ST3GAL1: variants seen among roughly 807,000 people sequenced by gnomAD.
The protein encoded by ST3GAL1 is CMP-N-acetylneuraminate-beta-galactosamide-alpha-2,3-sialyltransferase 1.
In ST3GAL1, 16 loss-of-function variants were observed where a neutral mutation model predicts 34.1. That is an observed-to-expected ratio of 0.47 (90% CI 0.32 to 0.71). ST3GAL1 has a LOEUF of 0.71. Ranked by LOEUF, ST3GAL1 falls within the 30% of genes least tolerant of loss-of-function variation. ST3GAL1 has a pLI of 0.04. For missense variants in ST3GAL1, 353 were observed against 447.4 expected (o/e 0.79, Z 1.90); for synonymous variants, 191 against 184.7 (o/e 1.03, Z -0.28).
At chr8:133,539,388 G>C (rs62520289) in intron 2 of ST3GAL1, among the ~76,000 whole-genome samples, 48,197 of 152,056 alleles carry the variant, frequency 0.32, 9,046 homozygotes, top group East Asian at 0.6. Context: ...AGCTCACAAA[G>C]CGGGCAAAGA....
intron 3 of ST3GAL1, among the ~76,000 whole-genome samples, chr8:133,483,717 G>A (rs1046906669): frequency 6.6e-6 from 1 of 152,136 alleles, no homozygotes; most frequent in African/African-American, 2.4e-5. Context: ...CTGCAGGAAG[G>A]AGCTCCTAAC....
Position 133,465,922 on chromosome 8 carries a change from C to T in ST3GAL1, c.475G>A (p.Glu159Lys). Residue 159 changes from glutamate to lysine, a missense_variant, in exon 6 of 10, where the codon GAG becomes AAG. Transcript: ENST00000522652. ...AGGACAAAGTCGTGACTGTCTATCT[C>T]AGGCCCATAAGAAGACTCCCTCAGG... ...GNLRESSYGP[E>K]IDSHDFVLRM... is the part of the protein sequence containing the mutation. 2 of 1,614,126 alleles carry T rather than the reference C, an allele frequency of 1.2e-6. No individual in the cohort carries two copies. Among genetic ancestry groups the T allele is most frequent in the Non-Finnish European group, 1.7e-6 (2 of 1,179,984 alleles).
intron 2 of ST3GAL1, among the ~76,000 whole-genome samples, chr8:133,509,652 G>A (rs1421543981): frequency 5.3e-5 from 8 of 152,236 alleles, no homozygotes; most frequent in East Asian, 3.9e-4. Flanking sequence ...GTATTCAGCC[G>A]GTGTGGGACA....
At chr8:133,541,705 G>C (rs1041886940) in intron 2 of ST3GAL1, among the ~76,000 whole-genome samples, 1 of 152,150 alleles carries the variant, frequency 6.6e-6, no homozygotes, top group Non-Finnish European at 1.5e-5. Context: ...CAAAAGCCGA[G>C]GGACAAACAG....
intron 1 of ST3GAL1, among the ~76,000 whole-genome samples, chr8:133,551,304 C>T (rs1337820346): frequency 6.6e-6 from 1 of 152,014 alleles, no homozygotes; most frequent in Non-Finnish European, 1.5e-5. Context: ...CCCGTCTCTA[C>T]TAAAAATACA....
rs1563734427 is a variant in ST3GAL1 at position 133,541,040 on chromosome 8, T to TATATAGACATATATATGC, written c.-429+4733_-429+4734insGCATATATATGTCTATAT. ...ATGCAGACATATATATAGACATATA[T>TATATAGACATATATATGC]AGACATATATATAGACATATATATA... On this transcript the variant is annotated intron_variant, in intron 2 of 9. Transcript: ENST00000522652. Among the ~76,000 whole-genome samples, 136 of 100,710 alleles carry TATATAGACATATATATGC rather than the reference T, an allele frequency of 1.4e-3. 5 individuals are homozygous for TATATAGACATATATATGC. The highest frequency in any genetic ancestry group is 2.2e-3 in the Non-Finnish European group (107 of 47,682). The allele number at this position is 100,710 out of a possible 152,430, so 66.1% of individuals were successfully genotyped here. A position where few individuals can be genotyped will look rare whatever the true frequency, so the allele number is the denominator to read the frequency against.
At chr8:133,548,199 G>A (rs924072555) in intron 1 of ST3GAL1, among the ~76,000 whole-genome samples, 1 of 152,138 alleles carries the variant, frequency 6.6e-6, no homozygotes, top group African/African-American at 2.4e-5. Context: ...CAGCCTCCTA[G>A]CCAGTCTTAA....
Position 133,467,770 on chromosome 8 carries a change from C to T in ST3GAL1, c.307-1680G>A, listed in dbSNP as rs896766508. 1.3e-5 allele frequency among the ~76,000 whole-genome samples: 2 copies of T among 152,224 alleles called. No individual in the cohort carries two copies. Among genetic ancestry groups the T allele is most frequent in the African/African-American group, 2.4e-5 (1 of 41,530 alleles). On this transcript the variant is annotated intron_variant, in intron 5 of 9. Coordinates refer to ENST00000522652, the MANE Select transcript of ST3GAL1 (RefSeq NM_173344.3). This position sits in a 1 kb window ranked among gnomAD's most constrained non-coding sequence, Gnocchi z 4.2. The stretch of plus-strand genomic sequence containing the variant: ...GACCTGGGCATATGTAGGGAGATCC[C>T]GGGGCACCCAGTCCCCACTGCAATG...
chr8:133,479,074 C>T (rs1422027040), intron 3 of ST3GAL1, among the ~76,000 whole-genome samples: 1 of 152,228 alleles, frequency 6.6e-6, no homozygotes, highest in African/African-American at 2.4e-5. Flanking sequence ...CGAACCATCC[C>T]TTCAATGGGA....
At chr8:133,512,013 A>G (rs1817511384) in intron 2 of ST3GAL1, among the ~76,000 whole-genome samples, 1 of 152,218 alleles carries the variant, frequency 6.6e-6, no homozygotes, top group Admixed American at 6.5e-5. Context: ...AGAATGAGCC[A>G]CTGCACTACA....
chr8:133,484,485 T>C (rs1816505073), intron 3 of ST3GAL1, among the ~76,000 whole-genome samples: 1 of 152,212 alleles, frequency 6.6e-6, no homozygotes, highest in Non-Finnish European at 1.5e-5. Flanking sequence ...TTGGGATCAA[T>C]GTCTAAACGT....
intron 2 of ST3GAL1, among the ~76,000 whole-genome samples, chr8:133,534,041 G>C (rs964169482): frequency 6.6e-6 from 1 of 152,134 alleles, no homozygotes; most frequent in Non-Finnish European, 1.5e-5. Flanking sequence ...CAAAGTACTG[G>C]GGATTCAATG....
chr8:133,515,662 A>C (rs1390956744), intron 2 of ST3GAL1: 3 of 152,098 alleles, frequency 2.0e-5, no homozygotes, highest in Non-Finnish European at 2.9e-5. Context: ...AAAATTAATA[A>C]TTAGCACAGC....
At chr8:133,538,579 G>T (rs564951184) in intron 2 of ST3GAL1, among the ~76,000 whole-genome samples, 2 of 152,346 alleles carry the variant, frequency 1.3e-5, no homozygotes, top group East Asian at 1.9e-4. Context: ...TGTTACAGCT[G>T]CCCAGGAGAG....
At chr8:133,517,809 A>G (rs1817690516) in intron 2 of ST3GAL1, among the ~76,000 whole-genome samples, 1 of 152,256 alleles carries the variant, frequency 6.6e-6, no homozygotes, top group Non-Finnish European at 1.5e-5. Flanking sequence ...TGCACTGTAG[A>G]GCACAACAAA....
At position 133,466,608 on chromosome 8, in the gene ST3GAL1, A is replaced by G. The variant is rs950416249; in HGVS notation, c.307-518T>C. On this transcript the variant is annotated intron_variant, in intron 5 of 9. Transcript: ENST00000522652. The surrounding 1 kb of genome is among the most constrained non-coding windows in gnomAD (Gnocchi z 4.4). ...TCAAGCCTTAACAAGAAGAGCGAGG[A>G]GTAGGTGGAAATGCCAGTTCTCCAG... Among the ~76,000 whole-genome samples the G allele has an allele frequency of 6.6e-6, 1 of 152,172 alleles. No homozygotes were observed.
rs5895198 is a variant in ST3GAL1 at position 133,549,403 on chromosome 8, C to CA, written c.-581-3478dup. Among the ~76,000 whole-genome samples, 421 of 134,474 alleles carry CA rather than the reference C, an allele frequency of 3.1e-3. 1 individual carries two copies. Among genetic ancestry groups the CA allele is most frequent in the Middle Eastern group, 0.023 (6 of 266 alleles). 88.2% of individuals were successfully genotyped at this position (134,474 alleles called of 152,430 possible). On this transcript the variant is annotated intron_variant, in intron 1 of 9. Coordinates refer to ENST00000522652, the MANE Select transcript of ST3GAL1 (RefSeq NM_173344.3). ...GGCAATAAGAGTGAAACTCTGTCTC[C>CA]AAAAAAAAAAAAAGATATAAGGCGG... is the stretch of plus-strand genomic sequence containing the variant.
intron 1 of ST3GAL1, among the ~76,000 whole-genome samples, chr8:133,549,491 T>A (rs1158444128): frequency 6.6e-6 from 1 of 152,156 alleles, no homozygotes; most frequent in Admixed American, 6.5e-5. Context: ...CTCCACAGCC[T>A]GGCACCTGTG....
In ST3GAL1 at chr8:133,532,994, C is replaced by A. The variant is rs898597827; in HGVS notation, c.-429+12780G>T. ...GTACTAATTAAGTGCCGGGCTGGAG[C>A]TGAAGGAGTAGGTATAAATTAATTA... On this transcript the variant is annotated intron_variant, in intron 2 of 9. Coordinates refer to ENST00000522652, the MANE Select transcript of ST3GAL1 (RefSeq NM_173344.3). Among the ~76,000 whole-genome samples, 13 of 152,182 alleles carry A rather than the reference C, an allele frequency of 8.5e-5. 1 individual carries two copies. The highest frequency in any genetic ancestry group is 1.6e-4 in the Non-Finnish European group (11 of 68,032).
Sources: allele counts gnomAD v4.1 joint callset (sites outside exome capture counted in the v4.1 genomes callset), GRCh38; gene constraint gnomAD v4.1.1; non-coding constraint Gnocchi (gnomAD v3.1); transcripts MANE v1.5; gene names NCBI Gene and HGNC (gene_info 2026-07-23, HGNC 2026-07-21).